Variants in NXN observed in about 807,000 individuals in gnomAD.
NXN encodes the protein nucleoredoxin 1.
NXN carries 16 observed loss-of-function variants against 48.6 expected under a neutral mutation model. The ratio of observed to expected loss-of-function variants is 0.33; its 90% confidence interval spans 0.22 to 0.50. The LOEUF (loss-of-function observed/expected upper bound fraction) is 0.50, where lower values mean the gene tolerates loss of function less well. Among genes scored for constraint, NXN ranks in the 20% least tolerant of loss-of-function variants. The pLI, the probability that NXN is intolerant of heterozygous loss-of-function variation, is 0.98. For missense variants in NXN, 492 were observed against 605.5 expected (o/e 0.81, Z 1.97); for synonymous variants, 281 against 269.6 (o/e 1.04, Z -0.41).
At chr17:824,240 G>A (rs967051701) in intron 2 of NXN, among the ~76,000 whole-genome samples, 19 of 130,010 alleles carry the variant, frequency 1.5e-4, no homozygotes, top group African/African-American at 5.5e-4. Context: ...GTAGAGATGG[G>A]GTTTCACCGT....
At chr17:925,951 C>G (rs1278583098) in intron 1 of NXN, among the ~76,000 whole-genome samples, 1 of 152,174 alleles carries the variant, frequency 6.6e-6, no homozygotes, top group Non-Finnish European at 1.5e-5. Context: ...ATAATCTTTG[C>G]TTTTTCTTCC....
chr17:894,976 C>G (rs2144879382), intron 1 of NXN, among the ~76,000 whole-genome samples: 1 of 143,124 alleles, frequency 7.0e-6, no homozygotes, highest in East Asian at 2.1e-4. Context: ...CTCTCTCATC[C>G]TTTCCTTTCA....
chr17:822,057 C>A (rs929710090), intron 4 of NXN, among the ~76,000 whole-genome samples: 1 of 151,974 alleles, frequency 6.6e-6, no homozygotes, highest in Non-Finnish European at 1.5e-5. Flanking sequence ...AAGGTGGGCG[C>A]CTCATGAGGT....
rs139915220 is a variant in NXN at position 846,014 on chromosome 17, G to A, written c.361-19936C>T. On this transcript the variant is annotated intron_variant, in intron 1 of 7. Coordinates refer to ENST00000336868, the MANE Select transcript of NXN (RefSeq NM_022463.5). Reference sequence around the variant, plus strand: ...AGAGAATCACTTGAGCCTGGGAGGCGGAGGTTGCAGTGAGCCGAGATCACA... The same window carrying A: ...AGAGAATCACTTGAGCCTGGGAGGCAGAGGTTGCAGTGAGCCGAGATCACA... Among the ~76,000 whole-genome samples, 341 of 151,908 alleles carry A rather than the reference G, an allele frequency of 2.2e-3. 4 individuals carry two copies. Among genetic ancestry groups the A allele is most frequent in the African/African-American group, 7.8e-3 (324 of 41,400 alleles).
intron 1 of NXN, among the ~76,000 whole-genome samples, chr17:838,268 A>ATTAC (rs892353536): frequency 2.7e-5 from 4 of 150,912 alleles, no homozygotes; most frequent in Non-Finnish European, 5.9e-5. Context: ...AGTAGCTGGG[A>ATTAC]TTACAGGTGC....
chr17:828,814 A>G (rs562637393), intron 1 of NXN, among the ~76,000 whole-genome samples: 2 of 152,292 alleles, frequency 1.3e-5, no homozygotes, highest in Admixed American at 1.3e-4. Flanking sequence ...CACGGGGATC[A>G]GCTTCATAAG....
intron 1 of NXN, among the ~76,000 whole-genome samples, chr17:953,909 C>A (rs1015701604): frequency 5.3e-5 from 8 of 152,318 alleles, no homozygotes; most frequent in African/African-American, 1.9e-4. Flanking sequence ...GCACCCCAGC[C>A]TGCGTGACGG....
intron 1 of NXN, among the ~76,000 whole-genome samples, chr17:925,630 C>A (rs942704763): frequency 1.3e-5 from 2 of 152,202 alleles, no homozygotes; most frequent in African/African-American, 4.8e-5. Context: ...CTCAGGTGAT[C>A]CGCCCGCCTC....
chr17:881,608 C>A (rs1263690444), intron 1 of NXN, among the ~76,000 whole-genome samples: 1 of 152,116 alleles, frequency 6.6e-6, no homozygotes, highest in Non-Finnish European at 1.5e-5. Context: ...CAGAATTCTA[C>A]CGCTCAGGAT....
Position 804,983 on chromosome 17 carries a change from G to T in NXN, c.1000+85C>A, listed in dbSNP as rs2295477. Reference sequence around the variant, plus strand: ...TGCACTGCTGGTGACAGAGAGAAGCGGCAGGGACAGGCTCCTCCCAAGTGA... The same window carrying T: ...TGCACTGCTGGTGACAGAGAGAAGCTGCAGGGACAGGCTCCTCCCAAGTGA... On this transcript the variant is annotated intron_variant, in intron 6 of 7. Transcript: ENST00000336868. The T allele has an allele frequency of 2.9e-6, 4 of 1,390,952 alleles. No individual in the cohort carries two copies. In the Admixed American group the frequency reaches 8.0e-5, roughly 28 times the overall value. 86.2% of individuals were successfully genotyped at this position (1,390,952 alleles called of 1,614,324 possible). A position where few individuals can be genotyped will look rare whatever the true frequency, so the allele number is the denominator to read the frequency against.
chr17:912,128 G>C (rs1232536584), intron 1 of NXN, among the ~76,000 whole-genome samples: 1 of 151,748 alleles, frequency 6.6e-6, no homozygotes, highest in Non-Finnish European at 1.5e-5. Context: ...AGTGGAGATG[G>C]GGTTTTGCCA....
chr17:945,435 C>G (rs2150610573), intron 1 of NXN, among the ~76,000 whole-genome samples: 2 of 151,670 alleles, frequency 1.3e-5, no homozygotes, highest in East Asian at 4.0e-4. Flanking sequence ...TTCCCCCATC[C>G]TGGCTAACAT....
chr17:809,910 G>C (rs115724059), intron 5 of NXN, among the ~76,000 whole-genome samples: 1 of 148,876 alleles, frequency 6.7e-6, no homozygotes, highest in African/African-American at 2.5e-5. Context: ...TGTGAGTGCC[G>C]TGCACGTTAA....
At chr17:892,118 C>G (rs2068428815) in intron 1 of NXN, among the ~76,000 whole-genome samples, 3 of 148,972 alleles carry the variant, frequency 2.0e-5, no homozygotes, top group African/African-American at 7.4e-5. Context: ...CACAACCCAA[C>G]AGGGAACCTA....
Position 821,496 on chromosome 17 carries a change from G to A in NXN, c.713+861C>T, listed in dbSNP as rs1266483223. Among the ~76,000 whole-genome samples, 2 of 78,596 alleles carry A rather than the reference G, an allele frequency of 2.5e-5. 1 individual carries two copies. The highest frequency in any genetic ancestry group is 4.8e-5 in the Non-Finnish European group (2 of 42,066). 51.6% of individuals were successfully genotyped at this position (78,596 alleles called of 152,430 possible). On this transcript the variant is annotated intron_variant, in intron 4 of 7. Coordinates refer to ENST00000336868, the MANE Select transcript of NXN (RefSeq NM_022463.5). ...CATCCGGCCGGGCGCGGTGGCTCAT[G>A]CCTGTAATCCCAGCATTTTGGGAGG...
intron 1 of NXN, chr17:907,988 C>G (rs2068596956): frequency 6.6e-6 from 1 of 152,096 alleles, no homozygotes; most frequent in Non-Finnish European, 1.5e-5. Flanking sequence ...TTCAACCTCC[C>G]AGAGTACCCC....
intron 1 of NXN, among the ~76,000 whole-genome samples, chr17:939,777 G>A (rs1660967401): frequency 1.3e-5 from 2 of 152,302 alleles, no homozygotes; most frequent in East Asian, 1.9e-4. Context: ...GAACATCCAT[G>A]CTTCTAGCTA....
At chr17:824,551 C>T (rs919822645) in intron 2 of NXN, among the ~76,000 whole-genome samples, 6 of 152,194 alleles carry the variant, frequency 3.9e-5, no homozygotes, top group Non-Finnish European at 2.9e-5. Context: ...CACATCCCAG[C>T]GGCTGTCAGC....
intron 1 of NXN, among the ~76,000 whole-genome samples, chr17:892,252 T>C (rs1238898479): frequency 1.3e-5 from 2 of 151,170 alleles, no homozygotes; most frequent in Non-Finnish European, 2.9e-5. Context: ...AACCCCACCA[T>C]GCACAACCCA....
Sources: gnomAD v4.1 joint callset for allele counts (sites outside exome capture counted in the v4.1 genomes callset) on GRCh38, gnomAD v4.1.1 for gene constraint, MANE v1.5 for transcripts, NCBI Gene and HGNC (gene_info 2026-07-23, HGNC 2026-07-21) for gene names.